Variants in ZNF521 observed in about 807,000 individuals in gnomAD.
ZNF521 encodes the protein LYST-interacting protein 3.
Under a neutral mutation model 105.5 loss-of-function variants are expected in ZNF521, and 14 were observed. The observed-to-expected ratio is 0.13, with a 90% CI of 0.09 to 0.21. The LOEUF (loss-of-function observed/expected upper bound fraction) is 0.21, where lower values mean the gene tolerates loss of function less well. Ranked by LOEUF, ZNF521 falls within the 10% of genes least tolerant of loss-of-function variation. ZNF521 has a pLI of 1.00. For missense variants in ZNF521, 1,233 were observed against 1,629.7 expected (o/e 0.76, Z 4.19); for synonymous variants, 635 against 606.0 (o/e 1.05, Z -0.70).
At chr18:25,083,931 A>AT (rs56364504) in intron 7 of ZNF521, among the ~76,000 whole-genome samples, 13,228 of 57,372 alleles carry the variant, frequency 0.23, 2,683 homozygotes, top group East Asian at 0.31. Context: ...AACCTGGGTA[A>AT]TTTTTTTTTT....
rs889166281 is a variant in ZNF521, at chr18:25,062,604, C to T, written c.*108G>A. The T allele has an allele frequency of 6.4e-6, 9 of 1,401,256 alleles. No individual in the cohort carries two copies. The highest frequency in any genetic ancestry group is 1.2e-5 in the South Asian group (1 of 80,278). The allele number at this position is 1,401,256 out of a possible 1,614,324, so 86.8% of individuals were successfully genotyped here. On this transcript the variant is annotated 3_prime_UTR_variant, in exon 8 of 8. Coordinates refer to ENST00000361524, the MANE Select transcript of ZNF521 (RefSeq NM_015461.3). ...ATAATACAAGTTTTATGGTACAATA[C>T]AATGTTTCTGAATAATATACATTAA...
intron 4 of ZNF521, among the ~76,000 whole-genome samples, chr18:25,196,299 A>C (rs1180326793): frequency 6.6e-6 from 1 of 151,678 alleles, no homozygotes; most frequent in Non-Finnish European, 1.5e-5. Flanking sequence ...TTTTTTACAG[A>C]ATTATCGTTT....
chr18:25,223,015 C>T (rs1028908031), intron 4 of ZNF521, among the ~76,000 whole-genome samples: 10 of 152,184 alleles, frequency 6.6e-5, no homozygotes, highest in Admixed American at 1.3e-4. Flanking sequence ...GGCACACATA[C>T]GTGTTCGCTG....
At chr18:25,267,328 G>C (rs977019970) in intron 3 of ZNF521, among the ~76,000 whole-genome samples, 3 of 152,188 alleles carry the variant, frequency 2.0e-5, no homozygotes, top group Non-Finnish European at 4.4e-5. Context: ...GCACTTGGGG[G>C]AAGGGTCAGC....
intron 3 of ZNF521, among the ~76,000 whole-genome samples, chr18:25,321,459 G>T (rs550373030): frequency 6.6e-6 from 1 of 152,178 alleles, no homozygotes; most frequent in Non-Finnish European, 1.5e-5. Context: ...TAGATAATGC[G>T]AGAATGAATA....
intron 5 of ZNF521, among the ~76,000 whole-genome samples, chr18:25,119,286 T>A (rs1392178879): frequency 6.6e-6 from 1 of 152,156 alleles, no homozygotes; most frequent in African/African-American, 2.4e-5. Flanking sequence ...GACACATAGA[T>A]GATGATTTCA....
chr18:25,195,025 AT>A, intron 5 of ZNF521, 134 bp downstream of exon 5: 2 of 721,202 alleles, frequency 2.8e-6, no homozygotes, highest in Non-Finnish European at 4.4e-6. Context: ...AATAACAGAA[AT>A]TAAAAAAAAA....
Position 25,234,240 on chromosome 18 carries a change from G to A in ZNF521, c.221-6543C>T, listed in dbSNP as rs370754074. Among the ~76,000 whole-genome samples, 52 of 152,302 alleles carry A rather than the reference G, an allele frequency of 3.4e-4. 1 individual carries two copies. The highest frequency in any genetic ancestry group is 6.8e-3 in the Middle Eastern group (2 of 294). On this transcript the variant is annotated intron_variant, in intron 3 of 7. Coordinates refer to ENST00000361524, the MANE Select transcript of ZNF521 (RefSeq NM_015461.3). Reference sequence around the variant, plus strand: ...GTATTACACATCTGTTTACAGTGCCGTGACTGAGGGTGTTCTAAACCGTTT... The same window carrying A: ...GTATTACACATCTGTTTACAGTGCCATGACTGAGGGTGTTCTAAACCGTTT...
chr18:25,240,469 T>C (rs752515836), intron 3 of ZNF521, among the ~76,000 whole-genome samples: 3 of 152,144 alleles, frequency 2.0e-5, no homozygotes, highest in Non-Finnish European at 4.4e-5. Context: ...TCTCCCCAGA[T>C]ATGCCTGAAT....
intron 3 of ZNF521, among the ~76,000 whole-genome samples, chr18:25,291,450 A>G (rs1911014335): frequency 6.6e-6 from 1 of 152,224 alleles, no homozygotes; most frequent in Admixed American, 6.5e-5. Context: ...TCATAGGTAA[A>G]GGTAGTGGAA....
chr18:25,242,569 C>A (rs764660907), intron 3 of ZNF521, among the ~76,000 whole-genome samples: 4 of 151,982 alleles, frequency 2.6e-5, no homozygotes, highest in African/African-American at 9.7e-5. Flanking sequence ...TTTGTAATTC[C>A]TTTCTTACTG....
chr18:25,133,024 C>T (rs572409480), intron 5 of ZNF521, among the ~76,000 whole-genome samples: 132 of 152,230 alleles, frequency 8.7e-4, no homozygotes, highest in African/African-American at 2.5e-3. Flanking sequence ...GTTGGATGGG[C>T]GGTCTTGGTA....
chr18:25,082,201 C>T (rs569359680), intron 7 of ZNF521, among the ~76,000 whole-genome samples: 2 of 152,274 alleles, frequency 1.3e-5, no homozygotes, highest in African/African-American at 2.4e-5. Context: ...TCCAGAACCA[C>T]GTGCTCATTT....
intron 7 of ZNF521, among the ~76,000 whole-genome samples, chr18:25,071,395 C>T (rs781421484): frequency 1.3e-5 from 2 of 152,120 alleles, no homozygotes; most frequent in Non-Finnish European, 1.5e-5. Flanking sequence ...AAAGATGGTA[C>T]GTTTTAGTGG....
At chr18:25,160,714 C>T (rs146552798) in intron 5 of ZNF521, among the ~76,000 whole-genome samples, 5 of 152,274 alleles carry the variant, frequency 3.3e-5, no homozygotes, top group Non-Finnish European at 7.4e-5. Context: ...GAGAACTTTT[C>T]CTCTGATATT....
intron 7 of ZNF521, among the ~76,000 whole-genome samples, chr18:25,071,711 C>G (rs919981842): frequency 2.6e-5 from 4 of 152,116 alleles, no homozygotes; most frequent in African/African-American, 9.7e-5. Flanking sequence ...AGGGTTGAAG[C>G]CAACACTCAA....
At chr18:25,252,343 G>GC (rs2144853381) in intron 3 of ZNF521, among the ~76,000 whole-genome samples, 1 of 152,206 alleles carries the variant, frequency 6.6e-6, no homozygotes, top group South Asian at 2.1e-4. Context: ...AACTTCATTA[G>GC]CTTCTGCAAA....
At chr18:25,075,396 T>G (rs148978121) in intron 7 of ZNF521, among the ~76,000 whole-genome samples, 1 of 152,332 alleles carries the variant, frequency 6.6e-6, no homozygotes, top group East Asian at 1.9e-4. Flanking sequence ...ATTGTGGTGC[T>G]TCTCTTTCCG....
chr18:25,276,278 A>C (rs1910030045), intron 3 of ZNF521, among the ~76,000 whole-genome samples: 1 of 152,112 alleles, frequency 6.6e-6, no homozygotes, highest in Admixed American at 6.5e-5. Flanking sequence ...TGCAGATAGA[A>C]AAATGTTAAT....
Sources: allele counts gnomAD v4.1 joint callset (sites outside exome capture counted in the v4.1 genomes callset), GRCh38; gene constraint gnomAD v4.1.1; transcripts MANE v1.5; gene names NCBI Gene and HGNC (gene_info 2026-07-23, HGNC 2026-07-21).